Variants in GRM7 observed in about 807,000 individuals in gnomAD.
The protein encoded by GRM7 is metabotropic glutamate receptor 7.
A neutral mutation model predicts 84.5 loss-of-function variants in GRM7; 35 were observed. That is an observed-to-expected ratio of 0.41 (90% CI 0.32 to 0.55). The LOEUF (loss-of-function observed/expected upper bound fraction) is 0.55, where lower values mean the gene tolerates loss of function less well. Ranked by LOEUF, GRM7 falls within the 20% of genes least tolerant of loss-of-function variation. The pLI, the probability that GRM7 is intolerant of heterozygous loss-of-function variation, is 0.19. For synonymous variants in GRM7, 487 were observed against 455.1 expected, an observed-to-expected ratio of 1.07 and a Z score of -0.89; for missense variants, 1,003 against 1,194.6, an observed-to-expected ratio of 0.84 and a Z score of 2.36.
chr3:7,471,426 G>A (rs1321239273), intron 7 of GRM7, among the ~76,000 whole-genome samples: 1 of 152,108 alleles, frequency 6.6e-6, no homozygotes, highest in Non-Finnish European at 1.5e-5. Context: ...TTGGGACTGA[G>A]GTCCCTGTTT....
chr3:7,420,852 G>T (rs1210529355), intron 5 of GRM7, among the ~76,000 whole-genome samples: 1 of 152,020 alleles, frequency 6.6e-6, no homozygotes, highest in Non-Finnish European at 1.5e-5. Context: ...CAACTGTTTG[G>T]GTAAGTTTGC....
At chr3:7,585,630 C>A (rs1471020825) in intron 8 of GRM7, among the ~76,000 whole-genome samples, 1 of 152,146 alleles carries the variant, frequency 6.6e-6, no homozygotes, top group Non-Finnish European at 1.5e-5. Context: ...GATTTTGAAT[C>A]TTCCTGCCAC....
intron 8 of GRM7, among the ~76,000 whole-genome samples, chr3:7,597,166 C>A (rs987112526): frequency 6.4e-4 from 98 of 152,186 alleles, no homozygotes; most frequent in African/African-American, 2.1e-3. Flanking sequence ...AGGAAGTTTT[C>A]AATCACAGTG....
rs760567624 is a variant in GRM7 at position 7,668,461 on chromosome 3, TTCTC to T, written c.2452-11578_2452-11575del. Among the ~76,000 whole-genome samples, 18 of 152,214 alleles carry T rather than the reference TTCTC, an allele frequency of 1.2e-4. No individual in the cohort carries two copies. The East Asian group carries it at 2.3e-3, about 20-fold the overall frequency. On this transcript the variant is annotated intron_variant, in intron 8 of 9. Coordinates refer to ENST00000357716, the MANE Select transcript of GRM7 (RefSeq NM_000844.4). Reference sequence around the variant, plus strand: ...ACTACTCTCTCTCCTCCTCCTCCCTTTCTCTCTCTCTCTTTTACGCACATGTACA... The same window carrying T: ...ACTACTCTCTCTCCTCCTCCTCCCTTTCTCTCTCTTTTACGCACATGTACA...
At position 7,022,367 on chromosome 3, in the gene GRM7, G is replaced by GCACACACACACACACACACA. The variant is rs71307753; in HGVS notation, c.520-124066_520-124065insACACACACACACACACACAC. 8.4e-3 allele frequency among the ~76,000 whole-genome samples: 1,219 copies of GCACACACACACACACACACA among 145,712 alleles called. 22 individuals carry two copies. Among genetic ancestry groups the GCACACACACACACACACACA allele is most frequent in the African/African-American group, 0.028 (1,112 of 39,018 alleles). The stretch of plus-strand genomic sequence containing the variant: ...AAAATATATATATATACACACACAT[G>GCACACACACACACACACACA]CACACACACACACACACACCAGTGG... On this transcript the variant is annotated intron_variant, in intron 1 of 9. Coordinates refer to ENST00000357716, the MANE Select transcript of GRM7 (RefSeq NM_000844.4).
chr3:7,605,979 C>T (rs539236483), intron 8 of GRM7, among the ~76,000 whole-genome samples: 1 of 152,244 alleles, frequency 6.6e-6, no homozygotes, highest in South Asian at 2.1e-4. Flanking sequence ...GGCTGATGGG[C>T]CATGTTGACC....
intron 2 of GRM7, among the ~76,000 whole-genome samples, chr3:7,173,331 T>C (rs1182756545): frequency 6.6e-6 from 1 of 152,194 alleles, no homozygotes; most frequent in Non-Finnish European, 1.5e-5. Context: ...TCCAGACCAA[T>C]GTAATGTCTC....
At chr3:7,124,920 C>T (rs1381350391) in intron 1 of GRM7, among the ~76,000 whole-genome samples, 1 of 152,088 alleles carries the variant, frequency 6.6e-6, no homozygotes, top group Non-Finnish European at 1.5e-5. Flanking sequence ...TGAAATATTA[C>T]TATGCTAGTC....
chr3:7,347,909 T>C (rs1225315891), intron 4 of GRM7, among the ~76,000 whole-genome samples: 1 of 152,186 alleles, frequency 6.6e-6, no homozygotes, highest in Non-Finnish European at 1.5e-5. Context: ...ATCTTTTATC[T>C]AATAGTTATT....
intron 1 of GRM7, among the ~76,000 whole-genome samples, chr3:7,041,035 G>C (rs184516159): frequency 6.7e-6 from 1 of 149,346 alleles, no homozygotes; most frequent in African/African-American, 2.5e-5. Flanking sequence ...AGCCATGATC[G>C]TGCCACTGCA....
At chr3:7,580,678 A>G (rs906832718) in intron 8 of GRM7, among the ~76,000 whole-genome samples, 1 of 152,202 alleles carries the variant, frequency 6.6e-6, no homozygotes, top group African/African-American at 2.4e-5. Context: ...ACCAAGGAGA[A>G]TGAATGGTTC....
At chr3:7,586,329 A>G (rs1223654500) in intron 8 of GRM7, among the ~76,000 whole-genome samples, 3 of 151,924 alleles carry the variant, frequency 2.0e-5, no homozygotes, top group Admixed American at 6.6e-5. Context: ...CCTCTTATAT[A>G]TTTTACCCAA....
chr3:6,964,258 C>G (rs1193253185), intron 1 of GRM7, among the ~76,000 whole-genome samples: 3 of 152,034 alleles, frequency 2.0e-5, no homozygotes, highest in Non-Finnish European at 4.4e-5. Context: ...GTCTAGAAGT[C>G]CCAGATTAGA....
intron 4 of GRM7, among the ~76,000 whole-genome samples, chr3:7,322,182 A>G (rs900396239): frequency 5.3e-5 from 8 of 152,110 alleles, no homozygotes; most frequent in Non-Finnish European, 1.0e-4. Context: ...TGATATTAGT[A>G]GTGAACTTCT....
chr3:7,002,008 AT>A (rs1383420370), intron 1 of GRM7, among the ~76,000 whole-genome samples: 10 of 152,192 alleles, frequency 6.6e-5, no homozygotes, highest in African/African-American at 1.2e-4. Flanking sequence ...CTTTTGATTA[AT>A]GGTTAAAATA....
chr3:7,721,486 G>T (rs892999084), intron 9 of GRM7, among the ~76,000 whole-genome samples: 1 of 152,178 alleles, frequency 6.6e-6, no homozygotes, highest in African/African-American at 2.4e-5. Context: ...GCATCAGCTT[G>T]GTAGTTCTCC....
chr3:7,390,608 G>A (rs1441797714), intron 4 of GRM7, among the ~76,000 whole-genome samples: 1 of 151,988 alleles, frequency 6.6e-6, no homozygotes, highest in Non-Finnish European at 1.5e-5. Flanking sequence ...ACTGGTCTTT[G>A]AGCTCTAAAA....
chr3:7,063,408 G>A (rs1697502179), intron 1 of GRM7, among the ~76,000 whole-genome samples: 1 of 151,650 alleles, frequency 6.6e-6, no homozygotes, highest in African/African-American at 2.4e-5. Flanking sequence ...GGTGAAGCTG[G>A]GGTTAGAGAG....
chr3:7,695,039 A>C (rs1483359785), intron 9 of GRM7, among the ~76,000 whole-genome samples: 2 of 152,176 alleles, frequency 1.3e-5, no homozygotes, highest in Non-Finnish European at 1.5e-5. Flanking sequence ...CTTACAGAGC[A>C]AAGTGTTTTT....
Sources: allele counts gnomAD v4.1 joint callset (sites outside exome capture counted in the v4.1 genomes callset), GRCh38; gene constraint gnomAD v4.1.1; transcripts MANE v1.5; gene names NCBI Gene and HGNC (gene_info 2026-07-23, HGNC 2026-07-21).